The following EGFR variants were observed in gnomAD, a reference collection of about 807,000 sequenced individuals.
The protein encoded by EGFR is avian erythroblastic leukemia viral (v-erb-b) oncogene homolog.
A neutral mutation model predicts 143.0 loss-of-function variants in EGFR; 58 were observed. The ratio of observed to expected loss-of-function variants is 0.41; its 90% CI spans 0.33 to 0.50. The LOEUF is 0.50. EGFR is among the 20% of genes least tolerant of loss of function. The pLI is 0.39. For missense variants in EGFR, 1,307 were observed against 1,579.0 expected (o/e 0.83, Z 2.92); for synonymous variants, 613 against 594.4 (o/e 1.03, Z -0.45).
In EGFR at chr7:55,019,235, G is replaced by T; in HGVS notation, c.-43G>T. 7.0e-7 allele frequency: 1 copy of T among 1,428,642 alleles called. No individual in the cohort carries two copies. 88.5% of individuals were successfully genotyped at this position (1,428,642 alleles called of 1,614,324 possible). ...GCGCACGGCCCCCTGACTCCGTCCA[G>T]TATTGATCGGGAGAGCCGGAGCGAG... is the stretch of plus-strand genomic sequence containing the variant. On this transcript the variant is annotated 5_prime_UTR_variant, in exon 1 of 28. Coordinates refer to ENST00000275493, the MANE Select transcript of EGFR (RefSeq NM_005228.5).
intron 20 of EGFR, among the ~76,000 whole-genome samples, chr7:55,183,417 CCAGGA>C (rs1393571695): frequency 3.9e-5 from 6 of 152,144 alleles, no homozygotes; most frequent in Admixed American, 1.3e-4. Context: ...CACCCTAAAT[CCAGGA>C]TGATTTCATT....
intron 1 of EGFR, among the ~76,000 whole-genome samples, chr7:55,124,702 C>T (rs1793419101): frequency 6.6e-6 from 1 of 152,186 alleles, no homozygotes; most frequent in African/African-American, 2.4e-5. Context: ...CTCTACAGCC[C>T]TAGCTGAAAG....
chr7:55,146,841 A>G, intron 4 of EGFR, 101 bp downstream of exon 4: 1 of 1,516,582 alleles, frequency 6.6e-7, no homozygotes, highest in South Asian at 1.2e-5. Context: ...AAGTCACATT[A>G]ATCAGAAACA....
intron 6 of EGFR, 34 bp from the exon 7 acceptor site, chr7:55,153,977 C>A (rs781763003): frequency 6.2e-7 from 1 of 1,614,038 alleles, no homozygotes; most frequent in Non-Finnish European, 8.5e-7. Context: ...GTGTACTTAC[C>A]TCACTTGCCC....
chr7:55,194,844 G>A (rs777470106), intron 22 of EGFR, among the ~76,000 whole-genome samples: 13 of 152,220 alleles, frequency 8.5e-5, no homozygotes, highest in Non-Finnish European at 1.9e-4. Context: ...ACTGGCCTAG[G>A]CAGCCCACTG....
At chr7:55,132,967 A>G (rs1194837998) in intron 1 of EGFR, among the ~76,000 whole-genome samples, 2 of 152,168 alleles carry the variant, frequency 1.3e-5, no homozygotes, top group African/African-American at 4.8e-5. Flanking sequence ...CTGGCCACGG[A>G]GCTTCTCAGC....
chr7:55,105,079 C>A (rs1048966887), intron 1 of EGFR, among the ~76,000 whole-genome samples: 1 of 152,150 alleles, frequency 6.6e-6, no homozygotes, highest in Non-Finnish European at 1.5e-5. Context: ...TGGATGTTTG[C>A]TTTTGATTTT....
Position 55,205,433 on chromosome 7 carries a change from C to T in EGFR, c.3449C>T (p.Thr1150Ile), listed in dbSNP as rs745321541. 3.7e-6 allele frequency: 6 copies of T among 1,614,166 alleles called. No homozygotes were observed. The South Asian group carries it at 5.5e-5, about 15-fold the overall frequency. ...NTVQPTCVNS[T>I]FDSPAHWAQK... ...GTCCAGCCCACCTGTGTCAACAGCA[C>T]ATTCGACAGCCCTGCCCACTGGGCC... is the stretch of plus-strand genomic sequence containing the variant. The change falls in exon 28 of 28, where the codon ACA (threonine) becomes ATA (isoleucine). Residue 1150 changes from threonine (T) to isoleucine (I), a missense_variant. Coordinates refer to ENST00000275493, the MANE Select transcript of EGFR (RefSeq NM_005228.5).
chr7:55,205,486 G>GAC lies in EGFR; in HGVS notation c.3504_3505dup (p.Asn1169ThrfsTer31). On this transcript the variant is annotated frameshift_variant, in exon 28 of 28. Transcript: ENST00000275493. LOFTEE classifies it high-confidence loss of function. The stretch of plus-strand genomic sequence containing the variant: ...GAAAGGCAGCCACCAAATTAGCCTG[G>GAC]ACAACCCTGACTACCAGCAGGACTT... 1 of 1,614,164 alleles carries GAC rather than the reference G, an allele frequency of 6.2e-7. No individual in the cohort carries two copies. The highest frequency in any genetic ancestry group is 8.5e-7 in the Non-Finnish European group (1 of 1,180,028).
At chr7:55,078,698 G>A (rs907308778) in intron 1 of EGFR, among the ~76,000 whole-genome samples, 10 of 152,358 alleles carry the variant, frequency 6.6e-5, no homozygotes, top group African/African-American at 2.4e-4. Flanking sequence ...TGAGAGAGTG[G>A]ACGCTGTGGT....
At chr7:55,121,481 G>A (rs532943605) in intron 1 of EGFR, among the ~76,000 whole-genome samples, 10 of 152,294 alleles carry the variant, frequency 6.6e-5, no homozygotes, top group Non-Finnish European at 1.3e-4. Flanking sequence ...GTGATGAGAG[G>A]AATGTGAGGT....
At chr7:55,061,859 C>T (rs1583941551) in intron 1 of EGFR, among the ~76,000 whole-genome samples, 2 of 152,258 alleles carry the variant, frequency 1.3e-5, no homozygotes, top group South Asian at 4.1e-4. Flanking sequence ...TGTTTCAGCA[C>T]GGCAAAGGCT....
chr7:55,172,081 G>A (rs1786377118), intron 16 of EGFR, among the ~76,000 whole-genome samples: 1 of 152,160 alleles, frequency 6.6e-6, no homozygotes, highest in Non-Finnish European at 1.5e-5. Flanking sequence ...AGGACACCCA[G>A]CAGAACTTCC....
intron 1 of EGFR, among the ~76,000 whole-genome samples, chr7:55,030,517 C>T (rs536255159): frequency 5.6e-4 from 86 of 152,244 alleles, no homozygotes; most frequent in Non-Finnish European, 9.4e-4. Flanking sequence ...GACTTTTCAA[C>T]GTTGTGTCAT....
intron 15 of EGFR, among the ~76,000 whole-genome samples, chr7:55,166,483 C>T (rs1042292781): frequency 6.6e-6 from 1 of 152,206 alleles, no homozygotes; most frequent in Non-Finnish European, 1.5e-5. Flanking sequence ...ATTTTTATGA[C>T]CATGAGTTAA....
At chr7:55,148,153 A>G (rs947800706) in intron 4 of EGFR, among the ~76,000 whole-genome samples, 3 of 152,210 alleles carry the variant, frequency 2.0e-5, no homozygotes, top group Non-Finnish European at 4.4e-5. Context: ...CCTGACACCT[A>G]CTATGTTTGC....
rs10540696 is a variant in EGFR at position 55,189,098 on chromosome 7, ATGTGTG to A, written c.2470-2605_2470-2600del. On this transcript the variant is annotated intron_variant, in intron 20 of 27. Transcript: ENST00000275493. ...ACGCTGTCTCATGCTCTCACACATA[ATGTGTG>A]TGTGTGTGTGTGTGTATATATATAT... Among the ~76,000 whole-genome samples the A allele has an allele frequency of 2.3e-3, 340 of 150,432 alleles. 2 individuals carry two copies. Among genetic ancestry groups the A allele is most frequent in the Non-Finnish European group, 3.3e-3 (224 of 67,508 alleles).
chr7:55,151,255 A>G (rs767885569), intron 4 of EGFR, 39 bp from the exon 5 acceptor site: 9 of 1,602,026 alleles, frequency 5.6e-6, no homozygotes, highest in Non-Finnish European at 7.7e-6. Flanking sequence ...GTTTCTCATC[A>G]TTTCACTGAG....
intron 1 of EGFR, 59 bp downstream of exon 1, chr7:55,019,424 G>C (rs112343872): frequency 8.5e-7 from 1 of 1,180,118 alleles, no homozygotes; most frequent in Non-Finnish European, 1.1e-6. Flanking sequence ...GGACCCCGCA[G>C]CCCGCCCAAC....
Sources: gnomAD v4.1 joint callset for allele counts (sites outside exome capture counted in the v4.1 genomes callset) on GRCh38, gnomAD v4.1.1 for gene constraint, MANE v1.5 for transcripts, NCBI Gene and HGNC (gene_info 2026-07-23, HGNC 2026-07-21) for gene names.